The following TEAD4 variants were observed in gnomAD, a reference collection of about 807,000 sequenced individuals.
TEAD4 encodes TEA domain transcription factor 4.
A neutral mutation model predicts 52.4 loss-of-function variants in TEAD4; 36 were observed. The ratio of observed to expected loss-of-function variants is 0.69; its 90% CI spans 0.53 to 0.91. The LOEUF (loss-of-function observed/expected upper bound fraction) is 0.91. Among genes scored for constraint, TEAD4 ranks in the 40% least tolerant of loss-of-function variants. The probability of loss-of-function intolerance (pLI) is 0.00; values close to 1 mark genes in which losing one functional copy is unlikely to be tolerated. For missense variants in TEAD4, 508 were observed against 583.9 expected, an observed-to-expected ratio of 0.87 and a Z score of 1.34; for synonymous variants, 220 against 231.0, an observed-to-expected ratio of 0.95 and a Z score of 0.43.
Position 3,040,141 on chromosome 12 carries a change from C to G in TEAD4, c.1073C>G (p.Ser358Cys). ...GCTCGCTATGAGAATGGACACTACTCTTACCGCATCCACCGGTCCCCGCTC... is the reference window on the plus strand; with the variant it reads ...GCTCGCTATGAGAATGGACACTACTGTTACCGCATCCACCGGTCCCCGCTC... Residue 358 changes from serine to cysteine, a missense_variant, in exon 12 of 13, where the codon TCT becomes TGT. Physicochemically the swap from Ser to Cys is moderately radical, Grantham distance 112 (BLOSUM62 -1). Transcript: ENST00000359864. 1 of 1,614,190 alleles carries G rather than the reference C, an allele frequency of 6.2e-7. No homozygotes were observed. The highest frequency in any genetic ancestry group is 8.5e-7 in the Non-Finnish European group (1 of 1,180,040).
chr12:2,977,830 C>T (rs1163969832), intron 2 of TEAD4, among the ~76,000 whole-genome samples: 1 of 152,188 alleles, frequency 6.6e-6, no homozygotes, highest in Non-Finnish European at 1.5e-5. Flanking sequence ...GGTGGGAGCT[C>T]AGGCCCTGGG....
At chr12:3,024,710 T>C (rs1258554332) in intron 10 of TEAD4, among the ~76,000 whole-genome samples, 1 of 152,142 alleles carries the variant, frequency 6.6e-6, no homozygotes, top group Non-Finnish European at 1.5e-5. Flanking sequence ...AAGGGTATTA[T>C]GATTACATTT....
At chr12:3,023,906 C>T (rs2098270378) in intron 10 of TEAD4, among the ~76,000 whole-genome samples, 1 of 151,888 alleles carries the variant, frequency 6.6e-6, no homozygotes, top group African/African-American at 2.4e-5. Context: ...TGGGCTTTAT[C>T]TCTTTAGTTC....
chr12:2,988,903 C>T (rs917586282), intron 2 of TEAD4, among the ~76,000 whole-genome samples: 2 of 152,214 alleles, frequency 1.3e-5, no homozygotes, highest in African/African-American at 4.8e-5. Flanking sequence ...AACATGGAAG[C>T]TTCTCGAACC....
At chr12:2,981,438 A>C (rs1175228695) in intron 2 of TEAD4, among the ~76,000 whole-genome samples, 1 of 152,228 alleles carries the variant, frequency 6.6e-6, no homozygotes, top group Non-Finnish European at 1.5e-5. Context: ...TCAGTGTAGC[A>C]GCTCAGGGGC....
rs138799029 is a variant in TEAD4 at position 3,009,198 on chromosome 12, C to T, written c.227-1806C>T. Among the ~76,000 whole-genome samples, 539 of 152,262 alleles carry T rather than the reference C, an allele frequency of 3.5e-3. 2 individuals carry two copies. Among genetic ancestry groups the T allele is most frequent in the Non-Finnish European group, 6.2e-3 (419 of 68,020 alleles). On this transcript the variant is annotated intron_variant, in intron 3 of 12. Coordinates refer to ENST00000359864, the MANE Select transcript of TEAD4 (RefSeq NM_003213.4). ...ATCCCAGCACTTTGGGAGGCTGATGCGGGTGGATCACTTGAGGTCAGGAGT... is the reference window on the plus strand; with the variant it reads ...ATCCCAGCACTTTGGGAGGCTGATGTGGGTGGATCACTTGAGGTCAGGAGT...
chr12:2,983,186 A>G (rs1038572246), intron 2 of TEAD4, among the ~76,000 whole-genome samples: 1 of 152,352 alleles, frequency 6.6e-6, no homozygotes, highest in African/African-American at 2.4e-5. Context: ...TTAAGTATTA[A>G]TATTAGGCAT....
At chr12:2,978,147 C>T (rs945222948) in intron 2 of TEAD4, among the ~76,000 whole-genome samples, 10 of 152,120 alleles carry the variant, frequency 6.6e-5, no homozygotes, top group Non-Finnish European at 4.4e-5. Context: ...CCCCTGCAGA[C>T]CCTCTTTTCC....
intron 9 of TEAD4, 30 bp downstream of exon 9, chr12:3,020,803 C>T (rs2153957436): frequency 6.6e-7 from 1 of 1,524,934 alleles, no homozygotes; most frequent in East Asian, 2.5e-5. Flanking sequence ...TGTCCAGCTC[C>T]CTGGTCACCC....
At chr12:2,968,081 G>A (rs925559936) in intron 2 of TEAD4, among the ~76,000 whole-genome samples, 1 of 85,736 alleles carries the variant, frequency 1.2e-5, no homozygotes, top group Admixed American at 1.2e-4. Flanking sequence ...AAACATGTGG[G>A]TCTTTTTTTT....
chr12:3,002,749 G>A (rs923147865), intron 3 of TEAD4, among the ~76,000 whole-genome samples: 14 of 152,172 alleles, frequency 9.2e-5, no homozygotes, highest in Admixed American at 2.6e-4. Context: ...ACAGTGTGGC[G>A]GGGGAGCATG....
In TEAD4 at chr12:2,976,721, G is replaced by T. The variant is rs1455113157; in HGVS notation, c.-30+16681G>T. Among the ~76,000 whole-genome samples the T allele has an allele frequency of 1.0e-4, 11 of 105,770 alleles. 1 individual carries two copies. Among genetic ancestry groups the T allele is most frequent in the Admixed American group, 1.0e-3 (11 of 11,038 alleles). The allele number at this position is 105,770 out of a possible 152,430, so 69.4% of individuals were successfully genotyped here. ...TGAGAGCTGAGGAGATGGGATGCTG[G>T]GTCCAGGCTGAGAGCTGAGGAGATG... On this transcript the variant is annotated intron_variant, in intron 2 of 12. Coordinates refer to ENST00000359864, the MANE Select transcript of TEAD4 (RefSeq NM_003213.4).
intron 10 of TEAD4, among the ~76,000 whole-genome samples, chr12:3,035,840 AAG>A (rs1565554504): frequency 1.0e-3 from 129 of 127,700 alleles, no homozygotes; most frequent in Middle Eastern, 4.0e-3. Context: ...AAAAAAAAAG[AAG>A]AAGAAGAAGA....
chr12:3,040,121 C>T lies in TEAD4; in HGVS notation c.1053C>T (p.Arg351=). The change falls in exon 12 of 13, where the codon CGC becomes CGT. Residue 351 remains arginine, a synonymous_variant. Transcript: ENST00000359864. ...GGGTCCTGCAGACAGAGTATGCTCG[C>T]TATGAGAATGGACACTACTCTTACC... The T allele has an allele frequency of 6.2e-7, 1 of 1,614,170 alleles. No individual in the cohort carries two copies. Among genetic ancestry groups the T allele is most frequent in the Non-Finnish European group, 8.5e-7 (1 of 1,180,028 alleles).
chr12:2,975,388 TTATTATTATTATTAC>T (rs1202157039), intron 2 of TEAD4, among the ~76,000 whole-genome samples: 616 of 40,766 alleles, frequency 0.015, 8 homozygotes, highest in African/African-American at 0.038. Context: ...ATTATTATTA[TTATTATTATTATTAC>T]TAGAGATGGA....
intron 10 of TEAD4, 54 bp downstream of exon 10, chr12:3,022,071 G>T: frequency 6.3e-7 from 1 of 1,595,920 alleles, no homozygotes; most frequent in Non-Finnish European, 8.5e-7. Flanking sequence ...GTGGTAGTGA[G>T]AACGGGGCGA....
At chr12:3,017,316 C>T in intron 5 of TEAD4, 82 bp from the exon 6 acceptor site, 1 of 1,590,704 alleles carries the variant, frequency 6.3e-7, no homozygotes, top group Non-Finnish European at 8.6e-7. Context: ...GAGACAGCTT[C>T]CCTGACCCGA....
chr12:2,987,752 CTG>C (rs145037579), intron 2 of TEAD4, among the ~76,000 whole-genome samples: 4,857 of 132,104 alleles, frequency 0.037, 264 homozygotes, highest in African/African-American at 0.14. Flanking sequence ...TTGTGGAAAA[CTG>C]TGTGGAATTT....
chr12:3,038,403 ACCTAGT>A (rs912390985), intron 11 of TEAD4, among the ~76,000 whole-genome samples: 1 of 152,112 alleles, frequency 6.6e-6, no homozygotes, highest in Non-Finnish European at 1.5e-5. Flanking sequence ...CTGGGCATCT[ACCTAGT>A]CCAGCCCTCT....
Sources: gnomAD v4.1 joint callset for allele counts (sites outside exome capture counted in the v4.1 genomes callset) on GRCh38, gnomAD v4.1.1 for gene constraint, MANE v1.5 for transcripts, NCBI Gene and HGNC (gene_info 2026-07-23, HGNC 2026-07-21) for gene names.